The following BYSL variants were observed in gnomAD, a reference collection of about 807,000 sequenced individuals.
The protein encoded by BYSL is bystin like, also known as bystin.
Under a neutral mutation model 45.4 loss-of-function variants are expected in BYSL, and 21 were observed. The observed-to-expected ratio is 0.46, with a 90% confidence interval of 0.33 to 0.67. The LOEUF is 0.67. Ranked by LOEUF, BYSL falls within the 30% of genes least tolerant of loss-of-function variation. The pLI, the probability that BYSL is intolerant of heterozygous loss-of-function variation, is 0.02. For missense variants in BYSL, 522 were observed against 578.5 expected (o/e 0.90, Z 1.00); for synonymous variants, 215 against 231.3 (o/e 0.93, Z 0.64).
chr6:41,932,833 C>T lies in BYSL; in HGVS notation c.*127C>T. 1 of 995,812 alleles carries T rather than the reference C, an allele frequency of 1.0e-6. No homozygotes were observed. Among genetic ancestry groups the T allele is most frequent in the Admixed American group, 2.8e-5 (1 of 35,412 alleles). 61.7% of individuals were successfully genotyped at this position (995,812 alleles called of 1,614,324 possible). ...TCAGGGCAGTGACAGATCACAGGGACATCTGTGGCTCCCAGTCCAGGACAG... is the reference window on the plus strand; with the variant it reads ...TCAGGGCAGTGACAGATCACAGGGATATCTGTGGCTCCCAGTCCAGGACAG... On this transcript the variant is annotated 3_prime_UTR_variant, in exon 7 of 7. Transcript: ENST00000230340. The surrounding 1 kb of genome is among the most constrained non-coding windows in gnomAD (Gnocchi z 4.7).
the BYSL span, among the ~76,000 whole-genome samples, chr6:41,912,598 C>T: frequency 3.9e-5 from 6 of 152,052 alleles, no homozygotes; most frequent in Non-Finnish European, 8.8e-5. Context: ...CTCAGGTGAT[C>T]TGCCCGCCTC....
At position 41,921,636 on chromosome 6, in the gene BYSL, C is replaced by T. The variant is rs368935062; in HGVS notation, c.74C>T (p.Ala25Val). 6.2e-7 allele frequency: 1 copy of T among 1,613,386 alleles called. No homozygotes were observed. The highest frequency in any genetic ancestry group is 8.5e-7 in the Non-Finnish European group (1 of 1,179,732). Residue 25 changes from alanine to valine, a missense_variant, in exon 1 of 7, where the codon GCT becomes GTT. By Grantham distance (64) the Ala-to-Val change is moderately conservative. Transcript: ENST00000230340. ...KHAPLADQIL[A>V]GNAVRAGVRE... ...GCGCCCCTGGCCGATCAGATCCTGG[C>T]TGGGAATGCGGTGCGGGCGGGGGTC...
chr6:41,916,995 A>G (rs1398301276), upstream of BYSL: 8 of 1,596,480 alleles, frequency 5.0e-6, no homozygotes, highest in Non-Finnish European at 5.1e-6. Context: ...GTGCTCACTG[A>G]GCCATTCACT....
intron 1 of BYSL, among the ~76,000 whole-genome samples, chr6:41,922,107 C>T (rs1582069491): frequency 6.6e-6 from 1 of 152,066 alleles, no homozygotes; most frequent in Non-Finnish European, 1.5e-5. Flanking sequence ...TATGGGATAC[C>T]CACTACGAGC....
chr6:41,921,627 A>G lies in BYSL; in HGVS notation c.65A>G (p.Gln22Arg). 6.2e-7 allele frequency: 1 copy of G among 1,613,086 alleles called. No individual in the cohort carries two copies. Reference protein sequence around the residue: ...GQEKHAPLADQILAGNAVRAG... With the variant: ...GQEKHAPLADRILAGNAVRAG... The stretch of plus-strand genomic sequence containing the variant: ...GAAAAACATGCGCCCCTGGCCGATC[A>G]GATCCTGGCTGGGAATGCGGTGCGG... The change falls in exon 1 of 7, where the codon CAG becomes CGG. Residue 22 changes from glutamine (Q) to arginine (R), a missense_variant. Gln to Arg is a conservative substitution (Grantham distance 43). Transcript: ENST00000230340.
intron 1 of BYSL, among the ~76,000 whole-genome samples, chr6:41,923,026 G>T (rs940421712): frequency 1.1e-4 from 17 of 152,118 alleles, no homozygotes; most frequent in African/African-American, 3.9e-4. Flanking sequence ...TATCCAAAAT[G>T]AGACCACTTT....
chr6:41,921,425 C>A, upstream of BYSL: 1 of 1,252,406 alleles, frequency 8.0e-7, no homozygotes, highest in Non-Finnish European at 1.1e-6. Flanking sequence ...GCGCTGATGG[C>A]GCTTCTGGCC....
the BYSL span, among the ~76,000 whole-genome samples, chr6:41,916,066 G>A: frequency 6.6e-6 from 1 of 151,670 alleles, no homozygotes; most frequent in Non-Finnish European, 1.5e-5. Flanking sequence ...GGTCAACATA[G>A]GGAGACCCTG....
chr6:41,916,313 C>A, the BYSL span, among the ~76,000 whole-genome samples: 1 of 151,646 alleles, frequency 6.6e-6, no homozygotes, highest in African/African-American at 2.4e-5. Flanking sequence ...GGCACAGTGG[C>A]TCACGCCTGT....
chr6:41,932,844 C>CTCAGTCCTT lies in BYSL; in HGVS notation c.*138_*139insTCAGTCCTT. 1.1e-6 allele frequency: 1 copy of CTCAGTCCTT among 925,930 alleles called. No individual in the cohort carries two copies. Among genetic ancestry groups the CTCAGTCCTT allele is most frequent in the Non-Finnish European group, 1.6e-6 (1 of 630,164 alleles). The allele number at this position is 925,930 out of a possible 1,614,324, so 57.4% of individuals were successfully genotyped here. On this transcript the variant is annotated 3_prime_UTR_variant, in exon 7 of 7. Coordinates refer to ENST00000230340, the MANE Select transcript of BYSL (RefSeq NM_004053.4). The surrounding 1 kb of genome is among the most constrained non-coding windows in gnomAD (Gnocchi z 4.7). ...ACAGATCACAGGGACATCTGTGGCT[C>CTCAGTCCTT]CCAGTCCAGGACAGGAAGGACTGAG...
At position 41,933,035 on chromosome 6, in the gene BYSL, ATAT is replaced by A. The variant is rs1775663600; in HGVS notation, c.*331_*333del. 6.7e-6 allele frequency: 2 copies of A among 300,582 alleles called. No individual in the cohort carries two copies. Among genetic ancestry groups the A allele is most frequent in the Non-Finnish European group, 1.3e-5 (2 of 158,292 alleles). 18.6% of individuals were successfully genotyped at this position (300,582 alleles called of 1,614,324 possible). A position where few individuals can be genotyped will look rare whatever the true frequency, so the allele number is the denominator to read the frequency against. On this transcript the variant is annotated 3_prime_UTR_variant, in exon 7 of 7. Coordinates refer to ENST00000230340, the MANE Select transcript of BYSL (RefSeq NM_004053.4). The stretch of plus-strand genomic sequence containing the variant: ...TCACTGTGGATAAAGGCAAAGACAG[ATAT>A]TTATTGAACCTCTGTGTTTGGTGTA...
At chr6:41,919,120 C>T (rs1775393639), upstream of BYSL, among the ~76,000 whole-genome samples, 1 of 129,772 alleles carries the variant, frequency 7.7e-6, no homozygotes, top group South Asian at 2.5e-4. Flanking sequence ...CAGAGTGAGA[C>T]TCTGCCTCAA....
At chr6:41,931,325 T>C (rs915427725) in intron 4 of BYSL, 71 bp from the exon 5 acceptor site, 2 of 1,550,966 alleles carry the variant, frequency 1.3e-6, no homozygotes, top group Non-Finnish European at 1.8e-6. Flanking sequence ...GCACTATCCA[T>C]GGTGATATTT....
At chr6:41,918,740 G>C (rs1266559005), upstream of BYSL, among the ~76,000 whole-genome samples, 2 of 151,216 alleles carry the variant, frequency 1.3e-5, no homozygotes, top group Non-Finnish European at 3.0e-5. Context: ...GAGGTCAGGA[G>C]ATCGAGACCA....
intron 2 of BYSL, among the ~76,000 whole-genome samples, chr6:41,927,961 G>A (rs1368751781): frequency 6.6e-6 from 1 of 152,130 alleles, no homozygotes; most frequent in East Asian, 1.9e-4. Flanking sequence ...TTTTGTGTGT[G>A]TGTGGAGGCT....
chr6:41,927,536 G>C lies in BYSL; in HGVS notation c.431G>C (p.Arg144Thr). Reference sequence around the variant, plus strand: ...TTCATGAACAAGAACCCTCCTGCCAGGTAGGCCTGGGGATTTGGGATAATG... The same window carrying C: ...TTCATGAACAAGAACCCTCCTGCCACGTAGGCCTGGGGATTTGGGATAATG... ...EMFMNKNPPA[R>T]RTLADIIMEK... is the part of the protein sequence containing the mutation. Residue 144 changes from arginine to threonine, a missense_variant and splice_region_variant, in exon 2 of 7, where the codon AGG (arginine) becomes ACG (threonine). Transcript: ENST00000230340. 2 of 1,613,596 alleles carry C rather than the reference G, an allele frequency of 1.2e-6. No homozygotes were observed. The highest frequency in any genetic ancestry group is 1.3e-5 in the African/African-American group (1 of 75,020).
intron 1 of BYSL, among the ~76,000 whole-genome samples, chr6:41,924,249 T>C (rs1394377516): frequency 1.3e-5 from 2 of 151,316 alleles, no homozygotes; most frequent in Non-Finnish European, 2.9e-5. Context: ...TTTGTATTTT[T>C]AGTAGAGTTG....
chr6:41,925,628 G>A (rs1019339488), intron 1 of BYSL, among the ~76,000 whole-genome samples: 14 of 152,068 alleles, frequency 9.2e-5, no homozygotes, highest in Admixed American at 6.6e-5. Flanking sequence ...CTCTCTAAGT[G>A]CTGGGATTAC....
intron 1 of BYSL, among the ~76,000 whole-genome samples, chr6:41,922,782 GA>G (rs1270902556): frequency 6.6e-6 from 1 of 152,156 alleles, no homozygotes; most frequent in East Asian, 1.9e-4. Flanking sequence ...TCTCCAATTT[GA>G]AATCTAACAG....
Sources: allele counts gnomAD v4.1 joint callset (sites outside exome capture counted in the v4.1 genomes callset), GRCh38; gene constraint gnomAD v4.1.1; non-coding constraint Gnocchi (gnomAD v3.1); transcripts MANE v1.5; gene names NCBI Gene and HGNC (gene_info 2026-07-23, HGNC 2026-07-21).